The following PLCXD3 variants were observed in gnomAD, a reference collection of about 807,000 sequenced individuals.
The protein encoded by PLCXD3 is phosphatidylinositol specific phospholipase C X domain containing 3, also known as PI-PLC X domain-containing protein 3.
A neutral mutation model predicts 25.5 loss-of-function variants in PLCXD3; 19 were observed. The observed-to-expected ratio is 0.75, with a 90% CI of 0.52 to 1.09. PLCXD3 has a LOEUF of 1.09. PLCXD3 is among the 50% of genes least tolerant of loss of function. The pLI, the probability that PLCXD3 is intolerant of heterozygous loss-of-function variation, is 0.00. For missense variants in PLCXD3, 411 were observed against 388.1 expected, an observed-to-expected ratio of 1.06 and a Z score of -0.50; for synonymous variants, 174 against 137.6, an observed-to-expected ratio of 1.26 and a Z score of -1.85.
At chr5:41,379,229 C>A (rs1036686214) in intron 2 of PLCXD3, among the ~76,000 whole-genome samples, 3 of 152,058 alleles carry the variant, frequency 2.0e-5, no homozygotes, top group African/African-American at 7.2e-5. Flanking sequence ...AGAGATTCTT[C>A]AAAATCTGGG....
chr5:41,336,877 A>G (rs983026978), intron 2 of PLCXD3, among the ~76,000 whole-genome samples: 1 of 152,042 alleles, frequency 6.6e-6, no homozygotes, highest in African/African-American at 2.4e-5. Flanking sequence ...GTTGATCCCA[A>G]GAGAATTCGA....
chr5:41,360,317 A>G (rs1744736224), intron 2 of PLCXD3, among the ~76,000 whole-genome samples: 1 of 152,110 alleles, frequency 6.6e-6, no homozygotes, highest in Non-Finnish European at 1.5e-5. Context: ...TGCCTCCTTG[A>G]TTAGCTTAAT....
At chr5:41,385,364 G>A (rs895167453) in intron 1 of PLCXD3, among the ~76,000 whole-genome samples, 1 of 152,070 alleles carries the variant, frequency 6.6e-6, no homozygotes, top group Non-Finnish European at 1.5e-5. Flanking sequence ...CTGATGTTGA[G>A]TTTAGTTTCT....
intron 2 of PLCXD3, among the ~76,000 whole-genome samples, chr5:41,367,256 A>C (rs1333370378): frequency 1.3e-5 from 2 of 152,106 alleles, no homozygotes; most frequent in Non-Finnish European, 2.9e-5. Flanking sequence ...ATTCCCACCA[A>C]CAGTGTAAAG....
chr5:41,392,055 C>A (rs1303999500), intron 1 of PLCXD3, among the ~76,000 whole-genome samples: 1 of 152,048 alleles, frequency 6.6e-6, no homozygotes, highest in Non-Finnish European at 1.5e-5. Flanking sequence ...AGAAGGTAGA[C>A]CTATAAGGTT....
chr5:41,365,407 G>A (rs539393054), intron 2 of PLCXD3, among the ~76,000 whole-genome samples: 32 of 152,160 alleles, frequency 2.1e-4, no homozygotes, highest in African/African-American at 7.5e-4. Context: ...AATCCCTATG[G>A]CATATGTCAA....
intron 1 of PLCXD3, among the ~76,000 whole-genome samples, chr5:41,405,142 A>C (rs1406065243): frequency 6.6e-6 from 1 of 152,170 alleles, no homozygotes; most frequent in Non-Finnish European, 1.5e-5. Flanking sequence ...GTTGGGAAGC[A>C]AACATACCTT....
chr5:41,486,809 T>A (rs73079798), intron 1 of PLCXD3, among the ~76,000 whole-genome samples: 1,695 of 152,270 alleles, frequency 0.011, 27 homozygotes, highest in African/African-American at 0.038. Flanking sequence ...AATATGAGGT[T>A]AATACTGTAC....
At chr5:41,443,742 A>T (rs1467296131) in intron 1 of PLCXD3, among the ~76,000 whole-genome samples, 1 of 152,184 alleles carries the variant, frequency 6.6e-6, no homozygotes. Flanking sequence ...TGATAAAATA[A>T]AATGATTATC....
intron 1 of PLCXD3, among the ~76,000 whole-genome samples, chr5:41,441,632 C>T (rs1747387867): frequency 6.6e-6 from 1 of 152,128 alleles, no homozygotes; most frequent in African/African-American, 2.4e-5. Context: ...ATATGTTGGA[C>T]CTCACTATGC....
chr5:41,466,167 A>C (rs1748013691), intron 1 of PLCXD3, among the ~76,000 whole-genome samples: 1 of 152,090 alleles, frequency 6.6e-6, no homozygotes, highest in Non-Finnish European at 1.5e-5. Context: ...TTAAAATACA[A>C]CTGCTTAATA....
chr5:41,431,565 A>G (rs948456378), intron 1 of PLCXD3, among the ~76,000 whole-genome samples: 2 of 152,196 alleles, frequency 1.3e-5, no homozygotes, highest in Non-Finnish European at 2.9e-5. Flanking sequence ...GAAAATACTC[A>G]CTAGATATTA....
chr5:41,350,116 CA>C (rs200267839), intron 2 of PLCXD3, among the ~76,000 whole-genome samples: 3,773 of 152,178 alleles, frequency 0.025, 68 homozygotes, highest in Non-Finnish European at 0.033. Flanking sequence ...CACAAGAGAC[CA>C]TAATATGCAC....
chr5:41,331,320 C>T (rs1743797831), intron 2 of PLCXD3, among the ~76,000 whole-genome samples: 1 of 152,106 alleles, frequency 6.6e-6, no homozygotes, highest in Admixed American at 6.6e-5. Context: ...AGAGCCAAAT[C>T]ATGAGTGAAC....
intron 1 of PLCXD3, among the ~76,000 whole-genome samples, chr5:41,483,159 A>G (rs1157329371): frequency 6.6e-6 from 1 of 152,218 alleles, no homozygotes; most frequent in Non-Finnish European, 1.5e-5. Flanking sequence ...TGAACCTGAC[A>G]TGATCTTAAT....
At chr5:41,462,648 G>GA (rs1324489468) in intron 1 of PLCXD3, among the ~76,000 whole-genome samples, 2 of 151,862 alleles carry the variant, frequency 1.3e-5, no homozygotes, top group Non-Finnish European at 2.9e-5. Flanking sequence ...TCTTCTTAAA[G>GA]AAAAATAATG....
At chr5:41,452,611 A>G (rs1371844220) in intron 1 of PLCXD3, among the ~76,000 whole-genome samples, 3 of 152,054 alleles carry the variant, frequency 2.0e-5, no homozygotes, top group Admixed American at 6.6e-5. Context: ...AGCAGATGCA[A>G]AGGCAGGGCT....
rs1413567301 is a variant in PLCXD3 at position 41,392,629 on chromosome 5, CCTAACTG to C, written c.104-10102_104-10096del. Among the ~76,000 whole-genome samples, 3 of 152,202 alleles carry C rather than the reference CCTAACTG, an allele frequency of 2.0e-5. No homozygotes were observed. In the East Asian group the frequency reaches 5.8e-4, roughly 30 times the overall value. Reference sequence around the variant, plus strand: ...CAGATAGTGAAGACTACAATAAATACCTAACTGCTTAATGCTTAGACTCTAAAAAATA... The same window carrying C: ...CAGATAGTGAAGACTACAATAAATACCTTAATGCTTAGACTCTAAAAAATA... On this transcript the variant is annotated intron_variant, in intron 1 of 2. Transcript: ENST00000377801.
intron 2 of PLCXD3, among the ~76,000 whole-genome samples, chr5:41,349,504 T>C (rs1182024777): frequency 6.6e-6 from 1 of 152,190 alleles, no homozygotes; most frequent in Non-Finnish European, 1.5e-5. Flanking sequence ...AAGGACATTA[T>C]CACTGAGAAA....
Sources: allele counts gnomAD v4.1 joint callset (sites outside exome capture counted in the v4.1 genomes callset), GRCh38; gene constraint gnomAD v4.1.1; transcripts MANE v1.5; gene names NCBI Gene and HGNC (gene_info 2026-07-23, HGNC 2026-07-21).